NDUFS4: variants seen among roughly 807,000 people sequenced by gnomAD.
NDUFS4 encodes NADH dehydrogenase [ubiquinone] iron-sulfur protein 4, mitochondrial.
Under a neutral mutation model 24.3 loss-of-function variants are expected in NDUFS4, and 28 were observed. The ratio of observed to expected loss-of-function variants is 1.15; its 90% CI spans 0.85 to 1.58. The LOEUF (loss-of-function observed/expected upper bound fraction) is 1.58, where lower values mean the gene tolerates loss of function less well. Among genes scored for constraint, NDUFS4 ranks in the 40% most tolerant of loss-of-function variants. NDUFS4 has a pLI of 0.00. For missense variants in NDUFS4, 223 were observed against 207.9 expected (o/e 1.07, Z -0.45); for synonymous variants, 93 against 69.7 (o/e 1.34, Z -1.67).
chr5:53,560,854 A>G, intron 1 of NDUFS4, 94 bp downstream of exon 1: 1 of 1,591,542 alleles, frequency 6.3e-7, no homozygotes, highest in Non-Finnish European at 8.5e-7. Context: ...GCCTCGGGGA[A>G]GGCGTCCTCT....
chr5:53,580,026 A>G (rs1749506081), intron 1 of NDUFS4, among the ~76,000 whole-genome samples: 1 of 152,318 alleles, frequency 6.6e-6, no homozygotes, highest in East Asian at 1.9e-4. Flanking sequence ...TCTGACTTCT[A>G]GATCTATAAG....
chr5:53,640,736 T>C (rs1751685602), intron 2 of NDUFS4, among the ~76,000 whole-genome samples: 1 of 152,108 alleles, frequency 6.6e-6, no homozygotes, highest in Admixed American at 6.6e-5. Context: ...ACTTCCAACA[T>C]TGGGGATCAA....
At chr5:53,597,837 T>C (rs1750175659) in intron 1 of NDUFS4, among the ~76,000 whole-genome samples, 1 of 152,170 alleles carries the variant, frequency 6.6e-6, no homozygotes, top group South Asian at 2.1e-4. Flanking sequence ...TAGGAAGATA[T>C]ATTTGCAAAA....
At chr5:53,664,451 G>A (rs1200642682) in intron 4 of NDUFS4, among the ~76,000 whole-genome samples, 7 of 152,096 alleles carry the variant, frequency 4.6e-5, no homozygotes, top group African/African-American at 1.2e-4. Context: ...CATTCTCCCC[G>A]TCACTTTCAG....
intron 4 of NDUFS4, among the ~76,000 whole-genome samples, chr5:53,672,741 A>G (rs57401636): frequency 6.6e-6 from 1 of 152,128 alleles, no homozygotes; most frequent in Non-Finnish European, 1.5e-5. Flanking sequence ...TTTGTCATAT[A>G]TGCTTTCTTG....
chr5:53,654,989 A>G (rs1055696663), intron 3 of NDUFS4, among the ~76,000 whole-genome samples: 1 of 152,246 alleles, frequency 6.6e-6, no homozygotes, highest in African/African-American at 2.4e-5. Flanking sequence ...GTTGGACATT[A>G]TAATTATGAA....
intron 1 of NDUFS4, among the ~76,000 whole-genome samples, chr5:53,602,341 G>C (rs1001972440): frequency 6.6e-6 from 1 of 152,068 alleles, no homozygotes; most frequent in Non-Finnish European, 1.5e-5. Flanking sequence ...TACATTTTGT[G>C]TAGGTATATT....
At chr5:53,562,276 G>C (rs553108739) in intron 1 of NDUFS4, among the ~76,000 whole-genome samples, 5 of 152,094 alleles carry the variant, frequency 3.3e-5, no homozygotes, top group African/African-American at 9.6e-5. Flanking sequence ...TTAATATAGC[G>C]GTGACCAAGA....
intron 1 of NDUFS4, among the ~76,000 whole-genome samples, chr5:53,594,241 G>A (rs1750062605): frequency 6.6e-6 from 1 of 152,066 alleles, no homozygotes; most frequent in Non-Finnish European, 1.5e-5. Context: ...ACACACTAAC[G>A]ATTGTTACAT....
intron 3 of NDUFS4, among the ~76,000 whole-genome samples, chr5:53,655,810 C>T (rs1041225577): frequency 6.6e-6 from 1 of 152,020 alleles, no homozygotes; most frequent in African/African-American, 2.4e-5. Flanking sequence ...AGTCTTGGAA[C>T]CTAGTGTTAA....
At chr5:53,604,453 C>T (rs1429633166) in intron 2 of NDUFS4, among the ~76,000 whole-genome samples, 2 of 152,176 alleles carry the variant, frequency 1.3e-5, no homozygotes, top group African/African-American at 2.4e-5. Flanking sequence ...AAAATTATCT[C>T]TTCAGTTTAC....
intron 2 of NDUFS4, among the ~76,000 whole-genome samples, chr5:53,630,312 ATT>A (rs1407082285): frequency 3.3e-5 from 5 of 150,120 alleles, no homozygotes; most frequent in Non-Finnish European, 7.4e-5. Flanking sequence ...TGCCCTTAAC[ATT>A]TTTTCTTCAT....
chr5:53,615,189 T>G (rs72751871), intron 2 of NDUFS4, among the ~76,000 whole-genome samples: 14,031 of 151,886 alleles, frequency 0.092, 771 homozygotes, highest in Middle Eastern at 0.13. Context: ...AAGTTATAGC[T>G]CTTGAATTAG....
At chr5:53,605,176 G>A (rs992530043) in intron 2 of NDUFS4, among the ~76,000 whole-genome samples, 2 of 152,052 alleles carry the variant, frequency 1.3e-5, no homozygotes, top group South Asian at 2.1e-4. Flanking sequence ...AGCCGAGATC[G>A]CACCATTACT....
intron 1 of NDUFS4, among the ~76,000 whole-genome samples, chr5:53,596,304 G>C (rs1452684118): frequency 6.6e-6 from 1 of 152,002 alleles, no homozygotes; most frequent in Admixed American, 6.6e-5. Context: ...GGGATGGTGT[G>C]TGCCTCTAGT....
intron 3 of NDUFS4, among the ~76,000 whole-genome samples, chr5:53,649,239 G>A (rs961606987): frequency 6.6e-6 from 1 of 152,068 alleles, no homozygotes; most frequent in Non-Finnish European, 1.5e-5. Context: ...GGGTGTACAT[G>A]TGCAGGTTTG....
Position 53,646,265 on chromosome 5 carries a change from G to C in NDUFS4, c.210G>C (p.Glu70Asp). 2 of 1,612,780 alleles carry C rather than the reference G, an allele frequency of 1.2e-6. No homozygotes were observed. Among genetic ancestry groups the C allele is most frequent in the Non-Finnish European group, 1.7e-6 (2 of 1,179,040 alleles). ...DITTLTGVPE[E>D]HIKTRKVRIF... ...CTACTTTAACTGGAGTTCCAGAAGA[G>C]CATATAAAAACTAGAAAAGTCAGGA... The change falls in exon 3 of 5, where the codon GAG becomes GAC. Residue 70 changes from glutamate to aspartate, a missense_variant. Physicochemically the swap from Glu to Asp is conservative, Grantham distance 45. Transcript: ENST00000296684.
intron 2 of NDUFS4, among the ~76,000 whole-genome samples, chr5:53,638,089 T>C (rs987721137): frequency 5.3e-5 from 8 of 152,142 alleles, no homozygotes; most frequent in African/African-American, 1.9e-4. Context: ...GCCAGAATTA[T>C]GACTGATAGC....
intron 4 of NDUFS4, among the ~76,000 whole-genome samples, chr5:53,678,202 A>C (rs1475452895): frequency 1.3e-5 from 2 of 152,210 alleles, no homozygotes; most frequent in African/African-American, 4.8e-5. Context: ...GTCATATTTC[A>C]GAAAAAGAAA....
Sources: allele counts gnomAD v4.1 joint callset (sites outside exome capture counted in the v4.1 genomes callset), GRCh38; gene constraint gnomAD v4.1.1; transcripts MANE v1.5; gene names NCBI Gene and HGNC (gene_info 2026-07-23, HGNC 2026-07-21).